The following GAREM2 variants were observed in gnomAD, a reference collection of about 807,000 sequenced individuals.
GAREM2 encodes GRB2 associated regulator of MAPK1 subtype 2, also known as GRB2-associated and regulator of MAPK protein 2.
Under a neutral mutation model 55.6 loss-of-function variants are expected in GAREM2, and 30 were observed. The ratio of observed to expected loss-of-function variants is 0.54; its 90% CI spans 0.40 to 0.73. The LOEUF is 0.73. Ranked by LOEUF, GAREM2 falls within the 30% of genes least tolerant of loss-of-function variation. The pLI is 0.00. For missense variants in GAREM2, 1,075 were observed against 1,257.7 expected (o/e 0.85, Z 2.20); for synonymous variants, 550 against 569.1 (o/e 0.97, Z 0.48).
chr2:26,178,883 G>GGGAGGAGGAGGC (rs1553309892), intron 2 of GAREM2, among the ~76,000 whole-genome samples: 12 of 16,088 alleles, frequency 7.5e-4, no homozygotes, highest in African/African-American at 1.8e-3. Flanking sequence ...CACGGGGGAG[G>GGGAGGAGGAGGC]GGAGGAGGAG....
rs911127078 is a variant in GAREM2, at chr2:26,188,141, G to C, written c.2509G>C (p.Asp837His). ...GAGCTTCTTTGCCCGAGAACGCATC[G>C]ATGGTAGCATCTTTGTGCAGCTCAG... ...VVSFFARERI[D>H]GSIFVQLSED... The change falls in exon 6 of 6, where the codon GAT (aspartate) becomes CAT (histidine). Residue 837 changes from aspartate to histidine, a missense_variant. Physicochemically the swap from Asp to His is moderately conservative, Grantham distance 81. This residue lies in a region of GAREM2 where 142 missense variants were observed against 172.3 expected (regional missense o/e 0.82). Coordinates refer to ENST00000401533, the MANE Select transcript of GAREM2 (RefSeq NM_001168241.2). 6.4e-7 allele frequency: 1 copy of C among 1,551,284 alleles called. No homozygotes were observed. The highest frequency in any genetic ancestry group is 8.7e-7 in the Non-Finnish European group (1 of 1,146,804).
At chr2:26,192,844 C>T (rs1669549935), downstream of GAREM2, among the ~76,000 whole-genome samples, 1 of 152,210 alleles carries the variant, frequency 6.6e-6, no homozygotes, top group South Asian at 2.1e-4. Context: ...GTATGTCTAG[C>T]TAACCCTAGC....
In GAREM2 at chr2:26,187,735, C is replaced by T. The variant is rs1024032332; in HGVS notation, c.2103C>T (p.Phe701=). 1.8e-5 allele frequency: 26 copies of T among 1,462,684 alleles called. No individual in the cohort carries two copies. The highest frequency in any genetic ancestry group is 5.3e-5 in the Admixed American group (2 of 37,864). 90.6% of individuals were successfully genotyped at this position (1,462,684 alleles called of 1,614,324 possible). Residue 701 remains phenylalanine (F), a synonymous_variant, in exon 6 of 6, where the codon TTC becomes TTT. Coordinates refer to ENST00000401533, the MANE Select transcript of GAREM2 (RefSeq NM_001168241.2). ...SEWQEPVLEP[F]DPFELGQGSS... The stretch of plus-strand genomic sequence containing the variant: ...GGCAGGAACCAGTCCTGGAGCCCTT[C>T]GATCCCTTTGAGCTGGGGCAGGGCA...
downstream of GAREM2, chr2:26,190,793 T>A: frequency 3.8e-6 from 1 of 266,012 alleles, no homozygotes; most frequent in Non-Finnish European, 7.3e-6. Context: ...TGCACACACA[T>A]TCTTACTCCC....
chr2:26,199,626 G>C, the GAREM2 span, among the ~76,000 whole-genome samples: 8 of 152,164 alleles, frequency 5.3e-5, no homozygotes, highest in Non-Finnish European at 1.0e-4. Context: ...CTTGTGACTT[G>C]TTTTTATCAA....
At chr2:26,173,478 T>G in intron 1 of GAREM2, 146 bp downstream of exon 1, 119 of 331,224 alleles carry the variant, frequency 3.6e-4, no homozygotes, top group Middle Eastern at 9.4e-4. Flanking sequence ...CTGGCGCGCC[T>G]CCCGGGAGAC....
chr2:26,203,990 G>C, the GAREM2 span: 1 of 1,460,934 alleles, frequency 6.8e-7, no homozygotes. Context: ...AACCCACCAA[G>C]CCACCACAAA....
downstream of GAREM2, chr2:26,191,234 G>T: frequency 1.2e-6 from 2 of 1,610,994 alleles, no homozygotes; most frequent in Non-Finnish European, 1.7e-6. Flanking sequence ...CTGACTGAGC[G>T]AGGCATGAGG....
chr2:26,180,765 T>C (rs1299287728), intron 2 of GAREM2: 1 of 236,032 alleles, frequency 4.2e-6, no homozygotes, highest in Non-Finnish European at 6.9e-6. Flanking sequence ...TACAGGTGTG[T>C]GCCACCACAC....
At chr2:26,198,650 G>A in the GAREM2 span, among the ~76,000 whole-genome samples, 1 of 97,126 alleles carries the variant, frequency 1.0e-5, no homozygotes, top group Non-Finnish European at 2.0e-5. Context: ...GTAAAGTACT[G>A]CCTTAAGATT....
At chr2:26,192,111 T>C (rs1445294037), downstream of GAREM2, among the ~76,000 whole-genome samples, 2 of 151,434 alleles carry the variant, frequency 1.3e-5, no homozygotes, top group Non-Finnish European at 2.9e-5. Context: ...GCATCAGGAG[T>C]GGTCCTCCTG....
At position 26,187,977 on chromosome 2, in the gene GAREM2, C is replaced by G; in HGVS notation, c.2345C>G (p.Pro782Arg). ...FLTQGRLEGP[P>R]ASPRDGATGF... is the part of the protein sequence containing the mutation. ...ACCCAAGGGCGCCTGGAAGGGCCTC[C>G]TGCCAGTCCCCGGGATGGAGCCACA... The change falls in exon 6 of 6, where the codon CCT becomes CGT. Residue 782 changes from proline (P) to arginine (R), a missense_variant. Physicochemically the swap from Pro to Arg is moderately radical, Grantham distance 103. Transcript: ENST00000401533. The G allele has an allele frequency of 6.8e-7, 1 of 1,461,894 alleles. No homozygotes were observed. 90.6% of individuals were successfully genotyped at this position (1,461,894 alleles called of 1,614,324 possible).
chr2:26,195,042 C>T, the GAREM2 span: 1 of 1,450,508 alleles, frequency 6.9e-7, no homozygotes. Flanking sequence ...TAAAAGGAGT[C>T]TTATTAGAAC....
chr2:26,177,551 C>G (rs907962624), intron 2 of GAREM2, among the ~76,000 whole-genome samples: 11 of 152,036 alleles, frequency 7.2e-5, no homozygotes, highest in Non-Finnish European at 1.5e-4. Flanking sequence ...CTTATGTTGC[C>G]CAGGATGGTC....
chr2:26,194,507 A>C, downstream of GAREM2: 2 of 998,148 alleles, frequency 2.0e-6, no homozygotes, highest in Non-Finnish European at 3.2e-6. Context: ...TCTTGACATC[A>C]TGAGTTTTAG....
chr2:26,173,902 A>C (rs1263631645), intron 1 of GAREM2, among the ~76,000 whole-genome samples: 2 of 151,086 alleles, frequency 1.3e-5, no homozygotes, highest in African/African-American at 4.9e-5. Context: ...TGACCCCCAA[A>C]CTCCCGGCCC....
rs1291230301 is a variant in GAREM2, at chr2:26,186,316, C to G, written c.1556C>G (p.Pro519Arg). The G allele has an allele frequency of 3.2e-6, 5 of 1,551,754 alleles. No homozygotes were observed. The highest frequency in any genetic ancestry group is 2.4e-5 in the East Asian group (1 of 40,884). ...RFPKLQPVHS[P>R]SSSLSYYSSG... Reference sequence around the variant, plus strand: ...CCCAAGCTGCAGCCGGTACATTCCCCCAGCTCCAGCCTCTCCTACTACTCC... The same window carrying G: ...CCCAAGCTGCAGCCGGTACATTCCCGCAGCTCCAGCCTCTCCTACTACTCC... The change falls in exon 5 of 6, where the codon CCC (proline) becomes CGC (arginine). Residue 519 changes from proline to arginine, a missense_variant. This residue lies in a region of GAREM2 where 515 missense variants were observed against 501.5 expected (regional missense o/e 1.03). Coordinates refer to ENST00000401533, the MANE Select transcript of GAREM2 (RefSeq NM_001168241.2).
chr2:26,173,668 C>T (rs539184864), intron 1 of GAREM2, among the ~76,000 whole-genome samples: 2 of 152,028 alleles, frequency 1.3e-5, no homozygotes, highest in Non-Finnish European at 2.9e-5. Flanking sequence ...CCCCCCGCCC[C>T]GGCCGCGCCC....
intron 1 of GAREM2, 141 bp downstream of exon 1, chr2:26,173,473 G>A (rs1668765002): frequency 2.4e-6 from 1 of 416,726 alleles, no homozygotes; most frequent in Non-Finnish European, 4.0e-6. Flanking sequence ...GGTTCCTGGC[G>A]CGCCTCCCGG....
Sources: gnomAD v4.1 joint callset for allele counts (sites outside exome capture counted in the v4.1 genomes callset) on GRCh38, gnomAD v4.1.1 for gene constraint, gnomAD v4.1.1 regional missense constraint, MANE v1.5 for transcripts, NCBI Gene and HGNC (gene_info 2026-07-23, HGNC 2026-07-21) for gene names.